QSOX2: variants seen among roughly 807,000 people sequenced by gnomAD.
QSOX2 encodes the protein quiescin sulfhydryl oxidase 2.
QSOX2 carries 46 observed loss-of-function variants against 61.7 expected under a neutral mutation model. The ratio of observed to expected loss-of-function variants is 0.75; its 90% CI spans 0.59 to 0.95. QSOX2 has a LOEUF of 0.95. QSOX2 is among the 40% of genes least tolerant of loss of function. The pLI, the probability that QSOX2 is intolerant of heterozygous loss-of-function variation, is 0.00. For missense variants in QSOX2, 879 were observed against 918.9 expected (o/e 0.96, Z 0.56); for synonymous variants, 383 against 388.4 (o/e 0.99, Z 0.16).
At position 136,208,754 on chromosome 9, in the gene QSOX2, C is replaced by T. The variant is rs762534720; in HGVS notation, c.2071G>A (p.Val691Ile). The change falls in exon 12 of 12, where the codon GTC becomes ATC. Residue 691 changes from valine (V) to isoleucine (I), a missense_variant. Val to Ile is a conservative substitution (Grantham distance 29). Transcript: ENST00000358701. Reference sequence around the variant, plus strand: ...CACACGGCCGGGTGGTGGTGCTTGACCTTCCACCGCCTGGACCTCACCCGG... The same window carrying T: ...CACACGGCCGGGTGGTGGTGCTTGATCTTCCACCGCCTGGACCTCACCCGG... ...FFRVRSRRWK[V>I]KHHHPAV is the part of the protein sequence containing the mutation. The T allele has an allele frequency of 2.5e-6, 4 of 1,611,982 alleles. No homozygotes were observed. In the Admixed American group the frequency reaches 6.7e-5, roughly 27 times the overall value.
Position 136,209,222 on chromosome 9 carries a change from G to A in QSOX2, c.1603C>T (p.Leu535Phe), listed in dbSNP as rs760804991. 1 of 1,614,070 alleles carries A rather than the reference G, an allele frequency of 6.2e-7. No individual in the cohort carries two copies. The highest frequency in any genetic ancestry group is 1.1e-5 in the South Asian group (1 of 91,082). Residue 535 changes from leucine (L) to phenylalanine (F), a missense_variant, in exon 12 of 12, where the codon CTC becomes TTC. Transcript: ENST00000358701. This position sits in a 1 kb window ranked among gnomAD's most constrained non-coding sequence, Gnocchi z 5.6. ...FPKLQWPTPDLCPACHEEIKG... is the reference protein window; with the variant it reads ...FPKLQWPTPDFCPACHEEIKG... ...ATTTCCTCATGGCAGGCTGGGCAGA[G>A]GTCCGGAGTGGGCCACTGAAGCTTT...
chr9:136,227,013 C>T, intron 1 of QSOX2, 139 bp from the exon 2 acceptor site: 2 of 683,388 alleles, frequency 2.9e-6, no homozygotes, highest in East Asian at 5.3e-5. Flanking sequence ...GTTAGGCCCT[C>T]ATCACACAGA....
Position 136,218,736 on chromosome 9 carries a change from C to T in QSOX2, c.1029G>A (p.Lys343=). ...YLLRVELAAH[K]SLAGAELKTL... ...TCTTCAGCTCTGCTCCGGCCAGGGA[C>T]TTGTGGGCTGCCAGCTCCACCCGCA... Residue 343 remains lysine, a synonymous_variant, in exon 8 of 12, where the codon AAG becomes AAA. Transcript: ENST00000358701. The T allele has an allele frequency of 6.2e-7, 1 of 1,613,750 alleles. No individual in the cohort carries two copies. The highest frequency in any genetic ancestry group is 1.3e-5 in the African/African-American group (1 of 75,070).
At chr9:136,213,118 T>G (rs1298495396) in intron 10 of QSOX2, among the ~76,000 whole-genome samples, 2 of 152,128 alleles carry the variant, frequency 1.3e-5, no homozygotes, top group African/African-American at 4.8e-5. Context: ...TGCCTGCGTG[T>G]GCCCGTGTGA....
In QSOX2 at chr9:136,209,621, G is replaced by A. The variant is rs563286388; in HGVS notation, c.1550-346C>T. On this transcript the variant is annotated intron_variant, in intron 11 of 11. Transcript: ENST00000358701. This position sits in a 1 kb window ranked among gnomAD's most constrained non-coding sequence, Gnocchi z 5.6. ...AAAACGGAGCATGCAGCTCTCACCT[G>A]GAGGCCTTTCTCCGCACAGTGCTGC... 1 of 985,296 alleles carries A rather than the reference G, an allele frequency of 1.0e-6. No homozygotes were observed. The highest frequency in any genetic ancestry group is 4.7e-5 in the South Asian group (1 of 21,290). 61.0% of individuals were successfully genotyped at this position (985,296 alleles called of 1,614,324 possible). A position where few individuals can be genotyped will look rare whatever the true frequency, so the allele number is the denominator to read the frequency against.
rs1033888384 is a variant in QSOX2 at position 136,209,341 on chromosome 9, G to A, written c.1550-66C>T. The A allele has an allele frequency of 1.3e-4, 210 of 1,557,196 alleles. 2 individuals are homozygous for A. Among genetic ancestry groups the A allele is most frequent in the South Asian group, 1.1e-3 (91 of 81,622 alleles). ...CTTTGTGCAGCCACGTGCAGCGTGCGGCAACCGGACTCCCACTCCCACCCA... is the reference window on the plus strand; with the variant it reads ...CTTTGTGCAGCCACGTGCAGCGTGCAGCAACCGGACTCCCACTCCCACCCA... On this transcript the variant is annotated intron_variant, in intron 11 of 11. Coordinates refer to ENST00000358701, the MANE Select transcript of QSOX2 (RefSeq NM_181701.4). The surrounding 1 kb of genome is among the most constrained non-coding windows in gnomAD (Gnocchi z 5.6).
intron 1 of QSOX2, among the ~76,000 whole-genome samples, chr9:136,237,818 A>C (rs895584681): frequency 6.6e-6 from 1 of 152,266 alleles, no homozygotes. Flanking sequence ...AGAATTTTCC[A>C]AAAGCTAAAC....
chr9:136,212,530 G>C (rs374820346), intron 10 of QSOX2, among the ~76,000 whole-genome samples: 2 of 152,196 alleles, frequency 1.3e-5, no homozygotes, highest in Non-Finnish European at 2.9e-5. Context: ...AGAAAGGTGA[G>C]AGCAGAGCAG....
At chr9:136,220,620 TTCTCCTCACGCTGTC>T (rs1831969366) in intron 6 of QSOX2, among the ~76,000 whole-genome samples, 1 of 49,540 alleles carries the variant, frequency 2.0e-5, no homozygotes, top group African/African-American at 3.8e-4. Context: ...CACGCTGTCC[TTCTCCTCACGCTGTC>T]CTTCTCCCCA....
intron 8 of QSOX2, among the ~76,000 whole-genome samples, 161 bp downstream of exon 8, chr9:136,218,517 GA>G (rs1380048663): frequency 6.6e-6 from 1 of 152,260 alleles, no homozygotes; most frequent in African/African-American, 2.4e-5. Flanking sequence ...AGGCACTCGG[GA>G]AATGGGTGGA....
chr9:136,215,198 A>G lies in QSOX2; in HGVS notation c.1316T>C (p.Leu439Ser). The change falls in exon 10 of 12, where the codon TTG (leucine) becomes TCG (serine). Residue 439 changes from leucine (L) to serine (S), a missense_variant. Leu to Ser is a moderately radical substitution (Grantham distance 145). Coordinates refer to ENST00000358701, the MANE Select transcript of QSOX2 (RefSeq NM_181701.4). ...PCSLWKLFHT[L>S]TVEASTHPDA... ...TGGGTGGGTCGAGGCTTCAACAGTC[A>G]AAGTGTGGAACAGTTTCCAGAGAGA... The G allele has an allele frequency of 6.2e-7, 1 of 1,614,120 alleles. No homozygotes were observed. The highest frequency in any genetic ancestry group is 8.5e-7 in the Non-Finnish European group (1 of 1,180,026).
chr9:136,223,071 C>A lies in QSOX2; in HGVS notation c.675+692G>T, dbSNP rs906450265. 6.6e-6 allele frequency among the ~76,000 whole-genome samples: 1 copy of A among 152,242 alleles called. No homozygotes were observed. The highest frequency in any genetic ancestry group is 1.5e-5 in the Non-Finnish European group (1 of 68,050). The stretch of plus-strand genomic sequence containing the variant: ...GCCTTCCCAAGTGCGTCTCCAAAAG[C>A]CCTCGCAGGGGCAAAGCTGTTTCCT... On this transcript the variant is annotated intron_variant, in intron 5 of 11. Coordinates refer to ENST00000358701, the MANE Select transcript of QSOX2 (RefSeq NM_181701.4). The surrounding 1 kb of genome is among the most constrained non-coding windows in gnomAD (Gnocchi z 4.4).
In QSOX2 at chr9:136,245,720, C is replaced by A; in HGVS notation, c.84G>T (p.Pro28=). 8.8e-7 allele frequency: 1 copy of A among 1,140,800 alleles called. No individual in the cohort carries two copies. The highest frequency in any genetic ancestry group is 1.1e-6 in the Non-Finnish European group (1 of 930,442). 70.7% of individuals were successfully genotyped at this position (1,140,800 alleles called of 1,614,324 possible). The change falls in exon 1 of 12, where the codon CCG becomes CCT. Residue 28 remains proline (P), a synonymous_variant. Transcript: ENST00000358701. ...PALRARRSPP[P]RAARLPRLLV... Reference sequence around the variant, plus strand: ...GCAGCCGCGGCAGCCGTGCGGCCCGCGGCGGGGGCGAGCGCCGGGCTCTCA... The same window carrying A: ...GCAGCCGCGGCAGCCGTGCGGCCCGAGGCGGGGGCGAGCGCCGGGCTCTCA...
chr9:136,244,778 G>A (rs968134177), intron 1 of QSOX2, among the ~76,000 whole-genome samples: 3 of 152,222 alleles, frequency 2.0e-5, no homozygotes, highest in Non-Finnish European at 4.4e-5. Context: ...GCAGTTTGGT[G>A]AAAGATTTCT....
chr9:136,210,101 G>A (rs9696646), intron 11 of QSOX2: 10 of 985,322 alleles, frequency 1.0e-5, no homozygotes, highest in Non-Finnish European at 6.0e-6. Context: ...GTGCTTATCC[G>A]GCCAACCGGC....
rs1007453702 is a variant in QSOX2 at position 136,222,216 on chromosome 9, A to G, written c.676-275T>C. On this transcript the variant is annotated intron_variant, in intron 5 of 11. Coordinates refer to ENST00000358701, the MANE Select transcript of QSOX2 (RefSeq NM_181701.4). The surrounding 1 kb of genome is among the most constrained non-coding windows in gnomAD (Gnocchi z 6.9). Reference sequence around the variant, plus strand: ...GCGAATTTGCACTTGACTTTCTAAAACCAGCGCGCCCCCCACAACACTGAT... The same window carrying G: ...GCGAATTTGCACTTGACTTTCTAAAGCCAGCGCGCCCCCCACAACACTGAT... Among the ~76,000 whole-genome samples the G allele has an allele frequency of 1.3e-4, 20 of 152,192 alleles. No individual in the cohort carries two copies. Among genetic ancestry groups the G allele is most frequent in the African/African-American group, 4.8e-4 (20 of 41,454 alleles).
intron 9 of QSOX2, 151 bp from the exon 10 acceptor site, chr9:136,215,455 C>G: frequency 1.3e-6 from 1 of 750,356 alleles, no homozygotes; most frequent in Non-Finnish European, 2.1e-6. Context: ...AGATCTGTGC[C>G]TCCTACCATA....
Position 136,223,705 on chromosome 9 carries a change from C to A in QSOX2, c.675+58G>T. 4.4e-6 allele frequency: 6 copies of A among 1,367,260 alleles called. No individual in the cohort carries two copies. Among genetic ancestry groups the A allele is most frequent in the African/African-American group, 2.9e-5 (2 of 69,688 alleles). The allele number at this position is 1,367,260 out of a possible 1,614,324, so 84.7% of individuals were successfully genotyped here. ...GGCACCTGCAAATCTCATCACAGAT[C>A]CACCGCCAACCCCAATCACACCACG... On this transcript the variant is annotated intron_variant, in intron 5 of 11. Coordinates refer to ENST00000358701, the MANE Select transcript of QSOX2 (RefSeq NM_181701.4). The surrounding 1 kb of genome is among the most constrained non-coding windows in gnomAD (Gnocchi z 4.4).
intron 11 of QSOX2, 127 bp downstream of exon 11, chr9:136,211,137 C>T: frequency 9.5e-7 from 1 of 1,052,160 alleles, no homozygotes; most frequent in Non-Finnish European, 1.4e-6. Flanking sequence ...ATCCCGTCAG[C>T]ACAGTGGGTG....
Sources: gnomAD v4.1 joint callset for allele counts (sites outside exome capture counted in the v4.1 genomes callset) on GRCh38, gnomAD v4.1.1 for gene constraint, Gnocchi (gnomAD v3.1) non-coding constraint, MANE v1.5 for transcripts, NCBI Gene and HGNC (gene_info 2026-07-23, HGNC 2026-07-21) for gene names.